Variants in PTPRD observed in about 807,000 individuals in gnomAD.
PTPRD encodes protein tyrosine phosphatase receptor type D, also known as receptor-type tyrosine-protein phosphatase delta.
In PTPRD, 34 loss-of-function variants were observed where a neutral mutation model predicts 214.5. The observed-to-expected ratio is 0.16, with a 90% CI of 0.12 to 0.21. The LOEUF is 0.21. PTPRD is among the 10% of genes least tolerant of loss of function. The pLI is 1.00. For synonymous variants in PTPRD, 1,128 were observed against 845.7 expected (o/e 1.33, Z -5.79); for missense variants, 2,545 against 2,398.7 (o/e 1.06, Z -1.27).
chr9:8,630,281 T>A (rs543450867), intron 14 of PTPRD, among the ~76,000 whole-genome samples: 1 of 151,948 alleles, frequency 6.6e-6, no homozygotes, highest in Admixed American at 6.6e-5. Flanking sequence ...CAACATGATT[T>A]GCAAGAGAAA....
At chr9:8,849,790 A>G (rs1348815653) in intron 11 of PTPRD, among the ~76,000 whole-genome samples, 1 of 152,214 alleles carries the variant, frequency 6.6e-6, no homozygotes. Flanking sequence ...ATTTGGGAGC[A>G]GACTGCAAAG....
intron 4 of PTPRD, among the ~76,000 whole-genome samples, chr9:9,963,099 G>T (rs1202848657): frequency 6.6e-6 from 1 of 151,968 alleles, no homozygotes; most frequent in African/African-American, 2.4e-5. Flanking sequence ...TTTGACTTTA[G>T]TAACAAGTTT....
chr9:10,398,505 A>G (rs2098214694), intron 2 of PTPRD, among the ~76,000 whole-genome samples: 1 of 151,986 alleles, frequency 6.6e-6, no homozygotes, highest in Non-Finnish European at 1.5e-5. Context: ...GTGAATTATT[A>G]AAACTGTGGG....
chr9:8,448,305 A>T (rs537143012), intron 34 of PTPRD, among the ~76,000 whole-genome samples: 92 of 152,256 alleles, frequency 6.0e-4, no homozygotes, highest in African/African-American at 1.9e-3. Flanking sequence ...TCCAGCCTGG[A>T]CAATCGAGTG....
chr9:8,870,687 A>AACACC (rs1555457935), intron 11 of PTPRD, among the ~76,000 whole-genome samples: 1 of 131,372 alleles, frequency 7.6e-6, no homozygotes, highest in Admixed American at 7.8e-5. Context: ...ACAGACATGA[A>AACACC]ACACACACAC....
At chr9:10,464,637 T>C (rs1033035993) in intron 2 of PTPRD, among the ~76,000 whole-genome samples, 1 of 151,774 alleles carries the variant, frequency 6.6e-6, no homozygotes, top group Non-Finnish European at 1.5e-5. Context: ...ATAATAGAAA[T>C]GCATAAAGGT....
intron 12 of PTPRD, among the ~76,000 whole-genome samples, chr9:8,716,451 A>T (rs1006098162): frequency 6.6e-6 from 1 of 152,192 alleles, no homozygotes; most frequent in African/African-American, 2.4e-5. Context: ...TTTGCTGCCA[A>T]TTCTTACATT....
intron 10 of PTPRD, among the ~76,000 whole-genome samples, chr9:9,025,328 T>C (rs2099583418): frequency 1.3e-5 from 2 of 152,088 alleles, no homozygotes; most frequent in Non-Finnish European, 2.9e-5. Flanking sequence ...TATGTTCTGA[T>C]AAGCTGACCA....
chr9:10,474,498 T>C (rs1017857408), intron 2 of PTPRD, among the ~76,000 whole-genome samples: 2 of 152,024 alleles, frequency 1.3e-5, no homozygotes, highest in Non-Finnish European at 2.9e-5. Context: ...AACAAATTCT[T>C]AGAGACCTAC....
chr9:8,649,310 T>C (rs1051838984), intron 12 of PTPRD, among the ~76,000 whole-genome samples: 14 of 152,228 alleles, frequency 9.2e-5, no homozygotes, highest in African/African-American at 3.4e-4. Context: ...TATGAATTTT[T>C]GTAACGCTTG....
At chr9:10,219,773 T>C (rs1013322632) in intron 3 of PTPRD, among the ~76,000 whole-genome samples, 1 of 151,904 alleles carries the variant, frequency 6.6e-6, no homozygotes, top group Non-Finnish European at 1.5e-5. Context: ...TTTAAATATG[T>C]TGCTAAATTG....
At chr9:9,963,046 A>C (rs1205807917) in intron 4 of PTPRD, among the ~76,000 whole-genome samples, 2 of 152,078 alleles carry the variant, frequency 1.3e-5, no homozygotes, top group East Asian at 1.9e-4. Flanking sequence ...GTTATCTGAC[A>C]AGCCTAGGGA....
intron 9 of PTPRD, among the ~76,000 whole-genome samples, chr9:9,331,039 T>G (rs896598893): frequency 1.3e-5 from 2 of 151,978 alleles, no homozygotes; most frequent in Admixed American, 6.6e-5. Context: ...CTGGGCAAAC[T>G]TGCTCAGATA....
intron 14 of PTPRD, among the ~76,000 whole-genome samples, chr9:8,544,543 C>T (rs2079433073): frequency 7.2e-6 from 1 of 139,164 alleles, no homozygotes. Flanking sequence ...GATCTCGGTT[C>T]ACTGCAACCT....
At chr9:10,436,655 T>C (rs560897773) in intron 2 of PTPRD, among the ~76,000 whole-genome samples, 2 of 151,764 alleles carry the variant, frequency 1.3e-5, no homozygotes, top group African/African-American at 4.8e-5. Context: ...CTTACTTTTC[T>C]CTCTTCTAGT....
intron 8 of PTPRD, among the ~76,000 whole-genome samples, chr9:9,505,098 T>G (rs1026532301): frequency 6.6e-6 from 1 of 151,584 alleles, no homozygotes; most frequent in Non-Finnish European, 1.5e-5. Context: ...CACAGTTTGA[T>G]TGCCCTTCTG....
chr9:9,483,799 T>G (rs1196061823), intron 8 of PTPRD, among the ~76,000 whole-genome samples: 1 of 151,138 alleles, frequency 6.6e-6, no homozygotes, highest in Non-Finnish European at 1.5e-5. Context: ...TTTTTTTAAG[T>G]CATGCTATAA....
intron 8 of PTPRD, among the ~76,000 whole-genome samples, chr9:9,462,136 T>A (rs1447609215): frequency 6.6e-6 from 1 of 152,138 alleles, no homozygotes; most frequent in Non-Finnish European, 1.5e-5. Flanking sequence ...ACAATAAATA[T>A]CTGTTGAATT....
chr9:8,882,884 C>CAA lies in PTPRD; in HGVS notation c.-104+135811_-104+135812dup, dbSNP rs759863465. Among the ~76,000 whole-genome samples, 111 of 101,032 alleles carry CAA rather than the reference C, an allele frequency of 1.1e-3. 7 individuals are homozygous for CAA. The highest frequency in any genetic ancestry group is 5.9e-3 in the Middle Eastern group (1 of 170). The allele number at this position is 101,032 out of a possible 152,430, so 66.3% of individuals were successfully genotyped here. A position where few individuals can be genotyped will look rare whatever the true frequency, so the allele number is the denominator to read the frequency against. ...TGGGTGACGGAGCAAGGCTCTGTCTCAAAAAAAAAAAAGGTATTTTAGAGC... is the reference window on the plus strand; with the variant it reads ...TGGGTGACGGAGCAAGGCTCTGTCTCAAAAAAAAAAAAAAGGTATTTTAGAGC... On this transcript the variant is annotated intron_variant, in intron 11 of 45. Coordinates refer to ENST00000381196, the MANE Select transcript of PTPRD (RefSeq NM_002839.4).
Sources: allele counts gnomAD v4.1 joint callset (sites outside exome capture counted in the v4.1 genomes callset), GRCh38; gene constraint gnomAD v4.1.1; transcripts MANE v1.5; gene names NCBI Gene and HGNC (gene_info 2026-07-23, HGNC 2026-07-21).